Variants in HDX observed in about 807,000 individuals in gnomAD.
HDX encodes chromosome X open reading frame 43.
HDX carries 19 observed loss-of-function variants against 45.2 expected under a neutral mutation model. The ratio of observed to expected loss-of-function variants is 0.42; its 90% confidence interval spans 0.29 to 0.62. The LOEUF is 0.62. HDX is among the 20% of genes least tolerant of loss of function. HDX has a pLI of 0.20. For missense variants in HDX, 532 were observed against 493.9 expected (o/e 1.08, Z -0.73); for synonymous variants, 188 against 172.8 (o/e 1.09, Z -0.69).
chrX:84,401,316 C>A (rs906137655), intron 5 of HDX, among the ~76,000 whole-genome samples: 1 of 111,533 alleles, frequency 9.0e-6, no homozygotes, highest in Admixed American at 9.5e-5. Context: ...GGACAAAGGT[C>A]TAAATATCCA....
intron 2 of HDX, among the ~76,000 whole-genome samples, chrX:84,484,143 A>G (rs993749303): frequency 3.6e-5 from 4 of 111,516 alleles, no homozygotes; most frequent in African/African-American, 1.3e-4. Flanking sequence ...AGCCATCCAA[A>G]CTGTTCCAAC....
At chrX:84,435,031 G>A (rs1289764384) in intron 5 of HDX, among the ~76,000 whole-genome samples, 3 of 110,239 alleles carry the variant, frequency 2.7e-5, no homozygotes, top group Non-Finnish European at 5.7e-5. Context: ...TTGCATTTCT[G>A]ATTTTATTTC....
Position 84,320,110 on chromosome X carries a change from G to A in HDX, c.*1779C>T, listed in dbSNP as rs925705569. ...TACTTAATAAGTGGTTTCTAACTTC[G>A]TTGTATATGGGGGCGACTCTTCATC... On this transcript the variant is annotated 3_prime_UTR_variant, in exon 11 of 11. Transcript: ENST00000373177. The A allele has an allele frequency of 1.8e-5, 2 of 111,096 alleles. No individual in the cohort carries two copies. The highest frequency in any genetic ancestry group is 3.3e-5 in the African/African-American group (1 of 30,635). 9.2% of individuals were successfully genotyped at this position (111,096 alleles called of 1,213,427 possible).
intron 5 of HDX, among the ~76,000 whole-genome samples, chrX:84,371,713 C>T (rs1013907774): frequency 2.1e-4 from 23 of 112,000 alleles, no homozygotes; most frequent in African/African-American, 7.1e-4. Context: ...ATCATCATAT[C>T]ACCATTCAAA....
chrX:84,340,547 C>T (rs2037063230), intron 7 of HDX, among the ~76,000 whole-genome samples: 1 of 110,390 alleles, frequency 9.1e-6, no homozygotes, highest in African/African-American at 3.3e-5. Flanking sequence ...TATTTAAATA[C>T]ATTTTCATAA....
At chrX:84,426,796 T>G (rs73625988) in intron 5 of HDX, among the ~76,000 whole-genome samples, 9,751 of 110,587 alleles carry the variant, frequency 0.088, 594 homozygotes, top group African/African-American at 0.22. Flanking sequence ...TAGATTTCAG[T>G]TGCTCTCCCC....
chrX:84,446,569 T>C (rs1472810835), intron 4 of HDX, among the ~76,000 whole-genome samples: 2 of 111,167 alleles, frequency 1.8e-5, no homozygotes, highest in Non-Finnish European at 3.8e-5. Context: ...GCATTAACAC[T>C]GTATGGACTG....
chrX:84,468,384 A>C, intron 4 of HDX, 88 bp downstream of exon 4: 1 of 546,084 alleles, frequency 1.8e-6, no homozygotes, highest in Non-Finnish European at 2.8e-6. Flanking sequence ...ACATTACTTC[A>C]ATATATGAGT....
intron 9 of HDX, among the ~76,000 whole-genome samples, 182 bp downstream of exon 9, chrX:84,333,577 C>T (rs1195320643): frequency 1.8e-5 from 2 of 110,988 alleles, no homozygotes; most frequent in African/African-American, 6.5e-5. Context: ...AAGATCATAA[C>T]CCCTAAACCC....
chrX:84,458,446 TAA>T (rs1265101622), intron 4 of HDX, among the ~76,000 whole-genome samples: 2 of 112,262 alleles, frequency 1.8e-5, no homozygotes, highest in Non-Finnish European at 3.8e-5. Context: ...ACTTATAATT[TAA>T]GTTTTAAAAC....
chrX:84,393,906 T>A (rs1421850281), intron 5 of HDX, among the ~76,000 whole-genome samples: 1 of 106,271 alleles, frequency 9.4e-6, no homozygotes, highest in Non-Finnish European at 1.9e-5. Flanking sequence ...TTCTTCTTTG[T>A]TTTTTAATTC....
chrX:84,409,781 G>A (rs1317631711), intron 5 of HDX, among the ~76,000 whole-genome samples: 1 of 104,785 alleles, frequency 9.5e-6, no homozygotes, highest in African/African-American at 3.5e-5. Context: ...TAAATGACGA[G>A]TTAATGGGTG....
At chrX:84,394,438 GT>G (rs1569314218) in intron 5 of HDX, among the ~76,000 whole-genome samples, 1 of 111,847 alleles carries the variant, frequency 8.9e-6, no homozygotes, top group Admixed American at 9.5e-5. Context: ...CCTGGAGAAA[GT>G]TTTATGTTTC....
chrX:84,484,021 G>C (rs1311789872), intron 2 of HDX, among the ~76,000 whole-genome samples: 1 of 111,504 alleles, frequency 9.0e-6, no homozygotes, highest in African/African-American at 3.3e-5. Flanking sequence ...TTTGGTCAAA[G>C]CCATTCAACA....
intron 5 of HDX, among the ~76,000 whole-genome samples, chrX:84,387,474 G>A (rs1465265764): frequency 1.8e-5 from 2 of 111,637 alleles, no homozygotes; most frequent in Non-Finnish European, 1.9e-5. Context: ...TTTGTAGGCC[G>A]AGAAGACCTT....
intron 5 of HDX, among the ~76,000 whole-genome samples, chrX:84,435,080 A>G (rs1402521556): frequency 9.1e-6 from 1 of 109,989 alleles, no homozygotes; most frequent in Non-Finnish European, 1.9e-5. Context: ...CTAGTTAAGG[A>G]TTTGTCAATT....
chrX:84,406,054 G>A (rs1291783594), intron 5 of HDX, among the ~76,000 whole-genome samples: 1 of 110,501 alleles, frequency 9.0e-6, no homozygotes, highest in Non-Finnish European at 1.9e-5. Context: ...ATATGTGTCC[G>A]TGAATCTGTA....
At chrX:84,342,487 G>A (rs745825610) in intron 7 of HDX, among the ~76,000 whole-genome samples, 31 of 107,975 alleles carry the variant, frequency 2.9e-4, no homozygotes, top group Non-Finnish European at 5.2e-4. Context: ...ATGTGTATAT[G>A]TGTACGTCTG....
At chrX:84,468,353 C>T (rs1282156933) in intron 4 of HDX, 119 bp downstream of exon 4, 9 of 436,652 alleles carry the variant, frequency 2.1e-5, no homozygotes, top group Non-Finnish European at 2.6e-5. Flanking sequence ...CCCCAAACCA[C>T]CACTTTGAAG....
Sources: allele counts gnomAD v4.1 joint callset (sites outside exome capture counted in the v4.1 genomes callset), GRCh38; gene constraint gnomAD v4.1.1; transcripts MANE v1.5; gene names NCBI Gene and HGNC (gene_info 2026-07-23, HGNC 2026-07-21).